COPS3: variants seen among roughly 807,000 people sequenced by gnomAD.
COPS3 encodes the protein COP9 signalosome complex subunit 3.
In COPS3, 10 loss-of-function variants were observed where a neutral mutation model predicts 58.2. The observed-to-expected ratio is 0.17, with a 90% CI of 0.11 to 0.29. The LOEUF is 0.29. COPS3 is among the 10% of genes least tolerant of loss of function. The probability of loss-of-function intolerance (pLI) is 1.00; values close to 1 mark genes in which losing one functional copy is unlikely to be tolerated. For missense variants in COPS3, 333 were observed against 510.1 expected (o/e 0.65, Z 3.34); for synonymous variants, 187 against 181.7 (o/e 1.03, Z -0.24).
chr17:17,261,699 A>T, intron 7 of COPS3: 1 of 139,900 alleles, frequency 7.1e-6, no homozygotes, highest in Non-Finnish European at 1.5e-5. Flanking sequence ...GTCTCTAGGG[A>T]AAAAAAAAAA....
At chr17:17,274,936 T>C (rs1170689883) in intron 2 of COPS3, among the ~76,000 whole-genome samples, 1 of 152,020 alleles carries the variant, frequency 6.6e-6, no homozygotes, top group East Asian at 1.9e-4. Context: ...CTACTCCTCT[T>C]GTCCTGCCTA....
At chr17:17,276,817 C>T (rs538012558) in intron 1 of COPS3, among the ~76,000 whole-genome samples, 42 of 152,110 alleles carry the variant, frequency 2.8e-4, no homozygotes, top group Middle Eastern at 6.8e-3. Flanking sequence ...TGATCCACCG[C>T]GCCCAGCCTA....
Position 17,252,376 on chromosome 17 carries a change from G to A in COPS3, c.1023+2483C>T, listed in dbSNP as rs1050171596. Among the ~76,000 whole-genome samples, 31 of 147,972 alleles carry A rather than the reference G, an allele frequency of 2.1e-4. 1 individual carries two copies. Among genetic ancestry groups the A allele is most frequent in the Admixed American group, 2.0e-3 (30 of 15,104 alleles). On this transcript the variant is annotated intron_variant, in intron 9 of 11. Transcript: ENST00000268717. The stretch of plus-strand genomic sequence containing the variant: ...GTGGGCTGTCCAGGGTACAGATAAC[G>A]CTTTGGTGTGTGGGCTGTCCTGGGT...
chr17:17,279,414 AAGG>A (rs1265303226), intron 1 of COPS3, among the ~76,000 whole-genome samples: 1 of 152,204 alleles, frequency 6.6e-6, no homozygotes, highest in Non-Finnish European at 1.5e-5. Flanking sequence ...ACACCCCAGG[AAGG>A]AGAACACTAA....
intron 8 of COPS3, among the ~76,000 whole-genome samples, chr17:17,255,476 ACT>A (rs2047949000): frequency 1.1e-5 from 1 of 92,532 alleles, no homozygotes; most frequent in African/African-American, 3.3e-5. Flanking sequence ...ACAGAGCAAG[ACT>A]CTATTTCAAA....
chr17:17,277,576 C>A (rs957162744), intron 1 of COPS3, among the ~76,000 whole-genome samples: 19 of 151,982 alleles, frequency 1.3e-4, no homozygotes, highest in African/African-American at 4.6e-4. Context: ...CGTCACCATG[C>A]CCATCTTATT....
intron 1 of COPS3, chr17:17,280,759 T>C (rs1477786646): frequency 8.0e-7 from 1 of 1,248,182 alleles, no homozygotes; most frequent in Non-Finnish European, 1.0e-6. Context: ...AAAGATGACA[T>C]GGCGGTGCGC....
chr17:17,260,610 C>G, intron 7 of COPS3, 136 bp from the exon 8 acceptor site: 1 of 685,360 alleles, frequency 1.5e-6, no homozygotes, highest in Admixed American at 2.7e-5. Context: ...TAAACACCAG[C>G]CTGACCAACA....
At chr17:17,249,201 C>A (rs1434557427) in intron 9 of COPS3, among the ~76,000 whole-genome samples, 162 bp from the exon 10 acceptor site, 1 of 152,140 alleles carries the variant, frequency 6.6e-6, no homozygotes. Flanking sequence ...TTATTAAATA[C>A]CTACTATTTG....
intron 8 of COPS3, among the ~76,000 whole-genome samples, chr17:17,259,952 G>A (rs1428296694): frequency 6.6e-6 from 1 of 151,470 alleles, no homozygotes; most frequent in Non-Finnish European, 1.5e-5. Context: ...CAGACAGGTT[G>A]CAAGGCTGGT....
At chr17:17,256,772 G>A (rs1426718351) in intron 8 of COPS3, among the ~76,000 whole-genome samples, 1 of 151,966 alleles carries the variant, frequency 6.6e-6, no homozygotes, top group Non-Finnish European at 1.5e-5. Context: ...TTTATTTTTT[G>A]TAGAGATGAG....
At chr17:17,276,250 G>T (rs2048459064) in intron 1 of COPS3, 86 bp from the exon 2 acceptor site, 1 of 1,540,020 alleles carries the variant, frequency 6.5e-7, no homozygotes. Flanking sequence ...GTACTTCAGA[G>T]CCTGAAGTTC....
chr17:17,274,068 T>C (rs2145254033), intron 2 of COPS3, among the ~76,000 whole-genome samples: 1 of 152,298 alleles, frequency 6.6e-6, no homozygotes, highest in Non-Finnish European at 1.5e-5. Context: ...CACATAAACA[T>C]ATATATCAGG....
intron 8 of COPS3, chr17:17,255,202 A>G: frequency 3.6e-6 from 1 of 274,180 alleles, no homozygotes; most frequent in Non-Finnish European, 6.9e-6. Flanking sequence ...TGGGAGGCTG[A>G]GACAGGAGAA....
chr17:17,281,048 T>G lies in COPS3; in HGVS notation c.55+84A>C. 6.2e-6 allele frequency: 9 copies of G among 1,462,858 alleles called. No individual in the cohort carries two copies. In the South Asian group the frequency reaches 1.1e-4, roughly 18 times the overall value. 90.6% of individuals were successfully genotyped at this position (1,462,858 alleles called of 1,614,324 possible). On this transcript the variant is annotated intron_variant, in intron 1 of 11. Coordinates refer to ENST00000268717, the MANE Select transcript of COPS3 (RefSeq NM_003653.4). Reference sequence around the variant, plus strand: ...AAGAGTCTCAGGACTAAAAGGGCTGTTCCAGCCGTCCGTGCTGGCGCCTGG... The same window carrying G: ...AAGAGTCTCAGGACTAAAAGGGCTGGTCCAGCCGTCCGTGCTGGCGCCTGG...
chr17:17,251,660 A>G (rs1279751818), intron 9 of COPS3, among the ~76,000 whole-genome samples: 1 of 152,184 alleles, frequency 6.6e-6, no homozygotes, highest in African/African-American at 2.4e-5. Context: ...CGAATGAACT[A>G]CGGCTACATA....
chr17:17,261,867 T>G (rs2048108517), intron 7 of COPS3, 99 bp downstream of exon 7: 1 of 1,034,476 alleles, frequency 9.7e-7, no homozygotes, highest in Admixed American at 2.4e-5. Context: ...CTAGGAGAGC[T>G]AAATCAGTAT....
At chr17:17,262,292 G>A (rs1011608066) in intron 6 of COPS3, among the ~76,000 whole-genome samples, 186 bp from the exon 7 acceptor site, 32 of 152,086 alleles carry the variant, frequency 2.1e-4, no homozygotes, top group African/African-American at 7.5e-4. Flanking sequence ...ACAGGGTCTC[G>A]CTCTGTCATC....
intron 6 of COPS3, among the ~76,000 whole-genome samples, chr17:17,264,101 G>C (rs970353740): frequency 6.6e-6 from 1 of 152,154 alleles, no homozygotes; most frequent in Non-Finnish European, 1.5e-5. Flanking sequence ...TCAGAGCCAC[G>C]GATGTGTGTA....
Sources: allele counts gnomAD v4.1 joint callset (sites outside exome capture counted in the v4.1 genomes callset), GRCh38; gene constraint gnomAD v4.1.1; transcripts MANE v1.5; gene names NCBI Gene and HGNC (gene_info 2026-07-23, HGNC 2026-07-21).